HS2ST1: variants seen among roughly 807,000 people sequenced by gnomAD.
HS2ST1 encodes the protein heparan sulfate 2-O-sulfotransferase 1, also known as 2-O-sulfotransferase.
A neutral mutation model predicts 42.9 loss-of-function variants in HS2ST1; 18 were observed. The observed-to-expected ratio is 0.42, with a 90% CI of 0.29 to 0.62. HS2ST1 has a LOEUF of 0.62. Ranked by LOEUF, HS2ST1 falls within the 20% of genes least tolerant of loss-of-function variation. The pLI is 0.21. For synonymous variants in HS2ST1, 146 were observed against 152.9 expected, an observed-to-expected ratio of 0.95 and a Z score of 0.33; for missense variants, 334 against 433.8, an observed-to-expected ratio of 0.77 and a Z score of 2.04.
At chr1:87,067,442 A>C (rs1651283241) in intron 1 of HS2ST1, among the ~76,000 whole-genome samples, 1 of 151,962 alleles carries the variant, frequency 6.6e-6, no homozygotes, top group Non-Finnish European at 1.5e-5. Flanking sequence ...AAATTTGTTT[A>C]AGTTCTTTGT....
intron 1 of HS2ST1, among the ~76,000 whole-genome samples, chr1:86,972,965 A>G (rs1208287775): frequency 6.6e-6 from 1 of 152,212 alleles, no homozygotes; most frequent in African/African-American, 2.4e-5. Context: ...ATTGGGCCAG[A>G]GTTATGCATA....
At chr1:86,984,097 C>A (rs1648686439) in intron 1 of HS2ST1, among the ~76,000 whole-genome samples, 1 of 152,000 alleles carries the variant, frequency 6.6e-6, no homozygotes, top group Non-Finnish European at 1.5e-5. Context: ...TGATATTTAT[C>A]ATACATTGCA....
At chr1:87,052,643 G>A (rs1426813741) in intron 1 of HS2ST1, among the ~76,000 whole-genome samples, 7 of 152,178 alleles carry the variant, frequency 4.6e-5, no homozygotes, top group Admixed American at 4.6e-4. Flanking sequence ...GGCGAGCAGT[G>A]AGGAAGATGG....
chr1:86,980,855 G>T (rs1288654720), intron 1 of HS2ST1, among the ~76,000 whole-genome samples: 3 of 152,270 alleles, frequency 2.0e-5, no homozygotes, highest in East Asian at 3.9e-4. Context: ...TTATAAGAAA[G>T]AAATAGTGGA....
At chr1:87,052,995 T>C (rs142370638) in intron 1 of HS2ST1, among the ~76,000 whole-genome samples, 1 of 152,300 alleles carries the variant, frequency 6.6e-6, no homozygotes, top group African/African-American at 2.4e-5. Context: ...TTTTAACAAA[T>C]GCTCCAAGTA....
intron 1 of HS2ST1, among the ~76,000 whole-genome samples, chr1:86,981,010 A>C (rs899808917): frequency 1.3e-5 from 2 of 152,200 alleles, no homozygotes; most frequent in African/African-American, 4.8e-5. Context: ...ATACAGTTCC[A>C]CATGGCTAGG....
chr1:87,055,287 A>G (rs4610985), intron 1 of HS2ST1, among the ~76,000 whole-genome samples: 129,197 of 152,112 alleles, frequency 0.85, 55,926 homozygotes, highest in East Asian at 0.99. Flanking sequence ...ATCCCCATTT[A>G]TTCTTCCTTC....
At chr1:86,922,000 T>C (rs1281405810) in intron 1 of HS2ST1, among the ~76,000 whole-genome samples, 1 of 152,226 alleles carries the variant, frequency 6.6e-6, no homozygotes, top group Non-Finnish European at 1.5e-5. Flanking sequence ...TTTAGAACAC[T>C]TAATGTGATT....
intron 1 of HS2ST1, among the ~76,000 whole-genome samples, chr1:86,949,329 A>C (rs1647433556): frequency 6.6e-6 from 1 of 152,154 alleles, no homozygotes. Context: ...GGCTGGTCTC[A>C]AACTCCTGAC....
Position 86,914,693 on chromosome 1 carries a change from G to A in HS2ST1, c.-344G>A, listed in dbSNP as rs1660097312. 3 of 286,566 alleles carry A rather than the reference G, an allele frequency of 1.0e-5. No individual in the cohort carries two copies. The highest frequency in any genetic ancestry group is 5.0e-5 in the Admixed American group (1 of 20,088). The allele number at this position is 286,566 out of a possible 1,614,324, so 17.8% of individuals were successfully genotyped here. On this transcript the variant is annotated 5_prime_UTR_variant, in exon 1 of 7. Transcript: ENST00000370550. Reference sequence around the variant, plus strand: ...GCGAGCAAAGGAGGGAGGGAAGGAAGGAAGAGAGGGAGGCGGGCAAGCAGG... The same window carrying A: ...GCGAGCAAAGGAGGGAGGGAAGGAAAGAAGAGAGGGAGGCGGGCAAGCAGG...
intron 1 of HS2ST1, among the ~76,000 whole-genome samples, chr1:86,931,904 T>A (rs1660552320): frequency 6.6e-6 from 1 of 152,142 alleles, no homozygotes; most frequent in Non-Finnish European, 1.5e-5. Context: ...TGGTGGTTTT[T>A]AATTTAAGAA....
At chr1:86,997,831 T>A (rs1189251691) in intron 1 of HS2ST1, among the ~76,000 whole-genome samples, 2 of 152,162 alleles carry the variant, frequency 1.3e-5, no homozygotes, top group African/African-American at 2.4e-5. Flanking sequence ...GACAGGGTGG[T>A]GTACGATTTC....
chr1:86,964,394 G>T (rs190868713), intron 1 of HS2ST1, among the ~76,000 whole-genome samples: 1 of 152,246 alleles, frequency 6.6e-6, no homozygotes, highest in African/African-American at 2.4e-5. Flanking sequence ...CCGGCACCTC[G>T]GGAGGCCGAG....
At chr1:87,002,693 TC>T (rs1381379194) in intron 1 of HS2ST1, among the ~76,000 whole-genome samples, 1 of 151,912 alleles carries the variant, frequency 6.6e-6, no homozygotes, top group African/African-American at 2.4e-5. Flanking sequence ...TACACAAAAG[TC>T]TATTTTTTTC....
intron 1 of HS2ST1, among the ~76,000 whole-genome samples, chr1:87,013,516 C>T (rs1339631241): frequency 6.6e-6 from 1 of 152,212 alleles, no homozygotes; most frequent in Non-Finnish European, 1.5e-5. Flanking sequence ...GCCTCTGGGC[C>T]TGTGATGGGA....
At chr1:87,025,752 C>A (rs1421912379) in intron 1 of HS2ST1, among the ~76,000 whole-genome samples, 1 of 152,150 alleles carries the variant, frequency 6.6e-6, no homozygotes, top group Non-Finnish European at 1.5e-5. Context: ...CCAACTCTTG[C>A]TGAAAATTTG....
At chr1:87,102,277 T>G (rs1652232453) in intron 5 of HS2ST1, among the ~76,000 whole-genome samples, 1 of 152,066 alleles carries the variant, frequency 6.6e-6, no homozygotes, top group African/African-American at 2.4e-5. Flanking sequence ...GGGCTGGTCT[T>G]GAACTCCCAA....
At position 87,061,919 on chromosome 1, in the gene HS2ST1, C is replaced by CTTT. The variant is rs535755288; in HGVS notation, c.125-11004_125-11002dup. Among the ~76,000 whole-genome samples, 20 of 141,902 alleles carry CTTT rather than the reference C, an allele frequency of 1.4e-4. 1 individual carries two copies. The South Asian group carries it at 3.4e-3, about 24-fold the overall frequency. The allele number at this position is 141,902 out of a possible 152,430, so 93.1% of individuals were successfully genotyped here. ...ATTTGTTATTTTCCTATTCTTTTCT[C>CTTT]TTTTTTTTTTTTTAAGTTTTTGGTT... On this transcript the variant is annotated intron_variant, in intron 1 of 6. Coordinates refer to ENST00000370550, the MANE Select transcript of HS2ST1 (RefSeq NM_012262.4).
In HS2ST1 at chr1:87,028,427, T is replaced by A. The variant is rs143492316; in HGVS notation, c.125-44507T>A. On this transcript the variant is annotated intron_variant, in intron 1 of 6. Coordinates refer to ENST00000370550, the MANE Select transcript of HS2ST1 (RefSeq NM_012262.4). Reference sequence around the variant, plus strand: ...GTTTTACTGTCTTAAAAAAAATAATTTGGGTACCCATTGAAGAGTATCCCA... The same window carrying A: ...GTTTTACTGTCTTAAAAAAAATAATATGGGTACCCATTGAAGAGTATCCCA... Among the ~76,000 whole-genome samples the A allele has an allele frequency of 6.5e-3, 987 of 152,342 alleles. 6 individuals carry two copies. Among genetic ancestry groups the A allele is most frequent in the Non-Finnish European group, 0.011 (736 of 68,026 alleles).
Sources: allele counts gnomAD v4.1 joint callset (sites outside exome capture counted in the v4.1 genomes callset), GRCh38; gene constraint gnomAD v4.1.1; transcripts MANE v1.5; gene names NCBI Gene and HGNC (gene_info 2026-07-23, HGNC 2026-07-21).